Variants in TERT observed in about 807,000 individuals in gnomAD.
The protein encoded by TERT is telomerase reverse transcriptase.
TERT carries 42 observed loss-of-function variants against 104.0 expected under a neutral mutation model. The ratio of observed to expected loss-of-function variants is 0.40; its 90% CI spans 0.32 to 0.52. The LOEUF is 0.52. TERT is among the 20% of genes least tolerant of loss of function. The probability of loss-of-function intolerance (pLI) is 0.43; values close to 1 mark genes in which losing one functional copy is unlikely to be tolerated. For missense variants in TERT, 1,101 were observed against 1,610.3 expected (o/e 0.68, Z 5.41); for synonymous variants, 781 against 725.6 (o/e 1.08, Z -1.23).
intron 11 of TERT, chr5:1,264,175 C>G (rs34656059): frequency 1.7e-6 from 1 of 585,674 alleles, no homozygotes; most frequent in Admixed American, 2.9e-5. Context: ...TGCACCATTT[C>G]CTTTTACCAA....
In TERT at chr5:1,282,595, G is replaced by A. The variant is rs1750103128; in HGVS notation, c.1603C>T (p.Arg535Cys). Residue 535 changes from arginine to cysteine, a missense_variant, in exon 3 of 16, where the codon CGT becomes TGT. Coordinates refer to ENST00000310581, the MANE Select transcript of TERT (RefSeq NM_198253.3). Reference protein sequence around the residue: ...GVGCVPAAEHRLREEILAKFL... With the variant: ...GVGCVPAAEHCLREEILAKFL... ...TTGGCCAGGATCTCCTCACGCAGAC[G>A]GTGCTCTGCGGCCGGAACACAGCCA... The A allele has an allele frequency of 4.3e-6, 7 of 1,614,026 alleles. No homozygotes were observed. Among genetic ancestry groups the A allele is most frequent in the South Asian group, 1.1e-5 (1 of 91,080 alleles).
chr5:1,259,943 G>A (rs1445643167), intron 12 of TERT, among the ~76,000 whole-genome samples: 1 of 138,964 alleles, frequency 7.2e-6, no homozygotes, highest in East Asian at 2.2e-4. Flanking sequence ...GAGAGGGGGT[G>A]TGGACGCCCA....
rs1192976407 is a variant in TERT at position 1,256,927 on chromosome 5, A to T, written c.3033-1516T>A. Among the ~76,000 whole-genome samples the T allele has an allele frequency of 6.6e-6, 1 of 152,034 alleles. No homozygotes were observed. The highest frequency in any genetic ancestry group is 1.5e-5 in the Non-Finnish European group (1 of 67,996). On this transcript the variant is annotated intron_variant, in intron 13 of 15. Coordinates refer to ENST00000310581, the MANE Select transcript of TERT (RefSeq NM_198253.3). This position sits in a 1 kb window ranked among gnomAD's most constrained non-coding sequence, Gnocchi z 7.0. ...GGAAGGCCGAGCCCCAGCGGATTTGAATCAGACCCCGCCCCCAGCGCCACG... is the reference window on the plus strand; with the variant it reads ...GGAAGGCCGAGCCCCAGCGGATTTGTATCAGACCCCGCCCCCAGCGCCACG...
At chr5:1,279,148 C>T (rs1749826052) in intron 5 of TERT, 143 bp downstream of exon 5, 3 of 957,620 alleles carry the variant, frequency 3.1e-6, no homozygotes, top group Non-Finnish European at 4.6e-6. Context: ...CCCTAGGTGC[C>T]AGGTGTGTCC....
chr5:1,294,361 C>G lies in TERT; in HGVS notation c.525G>C (p.Leu175=). ...SCAYQVCGPP[L]YQLGAATQAR... is the part of the protein sequence containing the mutation. Reference sequence around the variant, plus strand: ...CCTGAGTGGCAGCGCCGAGCTGGTACAGCGGCGGCCCGCACACCTGGTAGG... The same window carrying G: ...CCTGAGTGGCAGCGCCGAGCTGGTAGAGCGGCGGCCCGCACACCTGGTAGG... Residue 175 remains leucine (L), a synonymous_variant, in exon 2 of 16, where the codon CTG becomes CTC. Transcript: ENST00000310581. The G allele has an allele frequency of 6.3e-7, 1 of 1,576,208 alleles. No individual in the cohort carries two copies. The highest frequency in any genetic ancestry group is 1.7e-4 in the Middle Eastern group (1 of 5,770).
chr5:1,255,508 G>T lies in TERT; in HGVS notation c.3033-97C>A. On this transcript the variant is annotated intron_variant, in intron 13 of 15. Coordinates refer to ENST00000310581, the MANE Select transcript of TERT (RefSeq NM_198253.3). This position sits in a 1 kb window ranked among gnomAD's most constrained non-coding sequence, Gnocchi z 6.9. ...CCCACCGGTGCCTGTGTGCGTGCAT[G>T]AATGCACATGCATGGGTTTCCTCAT... The T allele has an allele frequency of 1.3e-6, 2 of 1,491,104 alleles. No individual in the cohort carries two copies. Among genetic ancestry groups the T allele is most frequent in the Non-Finnish European group, 1.9e-6 (2 of 1,075,106 alleles). 92.4% of individuals were successfully genotyped at this position (1,491,104 alleles called of 1,614,324 possible). A position where few individuals can be genotyped will look rare whatever the true frequency, so the allele number is the denominator to read the frequency against.
rs555748602 is a variant in TERT at position 1,263,739 on chromosome 5, C to T, written c.2843+665G>A. Among the ~76,000 whole-genome samples the T allele has an allele frequency of 2.0e-5, 3 of 152,330 alleles. No individual in the cohort carries two copies. Among genetic ancestry groups the T allele is most frequent in the South Asian group, 2.1e-4 (1 of 4,834 alleles). On this transcript the variant is annotated intron_variant, in intron 11 of 15. Transcript: ENST00000310581. The surrounding 1 kb of genome is among the most constrained non-coding windows in gnomAD (Gnocchi z 5.3). Reference sequence around the variant, plus strand: ...TGATACTTTTTATTCATAAAAGAAACAGCACAGATTTCTGCATCTGTGTCC... The same window carrying T: ...TGATACTTTTTATTCATAAAAGAAATAGCACAGATTTCTGCATCTGTGTCC...
rs35082932 is a variant in TERT at position 1,257,100 on chromosome 5, G to A, written c.3032+1498C>T. On this transcript the variant is annotated intron_variant, in intron 13 of 15. Transcript: ENST00000310581. The surrounding 1 kb of genome is among the most constrained non-coding windows in gnomAD (Gnocchi z 5.6). ...GTTTGGAAACGGCCCGTGGCCCATC[G>A]CATCTCGGCCTCCTCAGGGCTACCC... is the stretch of plus-strand genomic sequence containing the variant. 5.9e-4 allele frequency among the ~76,000 whole-genome samples: 90 copies of A among 152,218 alleles called. No homozygotes were observed. The highest frequency in any genetic ancestry group is 2.0e-3 in the African/African-American group (83 of 41,546).
At chr5:1,273,843 C>G (rs1050318954) in intron 6 of TERT, among the ~76,000 whole-genome samples, 2 of 152,210 alleles carry the variant, frequency 1.3e-5, no homozygotes, top group South Asian at 2.1e-4. Context: ...CTGCCATCCA[C>G]AGTCACGTGG....
intron 5 of TERT, 93 bp downstream of exon 5, chr5:1,279,198 C>T: frequency 7.0e-7 from 1 of 1,426,658 alleles, no homozygotes; most frequent in East Asian, 2.5e-5. Flanking sequence ...TGCGGCCCAC[C>T]CAGGAGTACC....
rs1057035638 is a variant in TERT, at chr5:1,274,833, G to A, written c.2287-2553C>T. ...AAAGAAAGTTCAAACATCCATAATC[G>A]AAACTTTTCCTTCAAGGAGCCGGAA... On this transcript the variant is annotated intron_variant, in intron 6 of 15. Coordinates refer to ENST00000310581, the MANE Select transcript of TERT (RefSeq NM_198253.3). This position sits in a 1 kb window ranked among gnomAD's most constrained non-coding sequence, Gnocchi z 5.3. 5.9e-5 allele frequency among the ~76,000 whole-genome samples: 9 copies of A among 152,164 alleles called. No homozygotes were observed. The highest frequency in any genetic ancestry group is 4.1e-4 in the South Asian group (2 of 4,826).
chr5:1,272,325 C>G (rs749560791), intron 6 of TERT, 45 bp from the exon 7 acceptor site: 1 of 1,509,862 alleles, frequency 6.6e-7, no homozygotes, highest in Non-Finnish European at 9.1e-7. Flanking sequence ...TGGCCTGCCC[C>G]GGCCAGAGCT....
chr5:1,260,947 C>T (rs1436989481), intron 11 of TERT, among the ~76,000 whole-genome samples: 1 of 152,200 alleles, frequency 6.6e-6, no homozygotes, highest in South Asian at 2.1e-4. Context: ...GGGCGTCCCT[C>T]GAGTGAACAC....
chr5:1,273,987 T>C (rs879331206), intron 6 of TERT, among the ~76,000 whole-genome samples: 39 of 152,148 alleles, frequency 2.6e-4, no homozygotes, highest in Non-Finnish European at 4.9e-4. Flanking sequence ...CCACCTCCTA[T>C]TCTGCAGACT....
Position 1,255,167 on chromosome 5 carries a change from A to G in TERT, c.3157+120T>C. 7.2e-7 allele frequency: 1 copy of G among 1,380,876 alleles called. No homozygotes were observed. Among genetic ancestry groups the G allele is most frequent in the Non-Finnish European group, 1.0e-6 (1 of 1,000,402 alleles). 85.5% of individuals were successfully genotyped at this position (1,380,876 alleles called of 1,614,324 possible). On this transcript the variant is annotated intron_variant, in intron 14 of 15. Transcript: ENST00000310581. The surrounding 1 kb of genome is among the most constrained non-coding windows in gnomAD (Gnocchi z 6.9). Reference sequence around the variant, plus strand: ...GACGAGCCTGACAGTGGTTGGGTTAAACCACTTCCTGATGCGAAAAGGGGT... The same window carrying G: ...GACGAGCCTGACAGTGGTTGGGTTAGACCACTTCCTGATGCGAAAAGGGGT...
At position 1,255,501 on chromosome 5, in the gene TERT, C is replaced by A. The variant is rs1334912467; in HGVS notation, c.3033-90G>T. On this transcript the variant is annotated intron_variant, in intron 13 of 15. Transcript: ENST00000310581. This position sits in a 1 kb window ranked among gnomAD's most constrained non-coding sequence, Gnocchi z 6.9. Reference sequence around the variant, plus strand: ...GCATGGGCCCACCGGTGCCTGTGTGCGTGCATGAATGCACATGCATGGGTT... The same window carrying A: ...GCATGGGCCCACCGGTGCCTGTGTGAGTGCATGAATGCACATGCATGGGTT... 1.9e-6 allele frequency: 3 copies of A among 1,553,430 alleles called. No homozygotes were observed. The highest frequency in any genetic ancestry group is 2.7e-6 in the Non-Finnish European group (3 of 1,129,730).
At chr5:1,258,757 GA>G in intron 12 of TERT, 98 bp from the exon 13 acceptor site, 1 of 1,062,764 alleles carries the variant, frequency 9.4e-7, no homozygotes, top group Non-Finnish European at 1.4e-6. Flanking sequence ...GAACAAGAAA[GA>G]GGAACATTTT....
chr5:1,289,462 G>A (rs879464866), intron 2 of TERT, among the ~76,000 whole-genome samples: 21 of 24,898 alleles, frequency 8.4e-4, no homozygotes, highest in East Asian at 1.6e-3. Context: ...ACCCGGGGAC[G>A]GCGCCTCACT....
chr5:1,262,084 G>C lies in TERT; in HGVS notation c.2844-1484C>G, dbSNP rs1748271505. On this transcript the variant is annotated intron_variant, in intron 11 of 15. Transcript: ENST00000310581. This position sits in a 1 kb window ranked among gnomAD's most constrained non-coding sequence, Gnocchi z 5.6. ...TCACTGGTTTCATCCGCCTCCCTGTGTGTCCTTCCCCAACACCAAACCAGG... is the reference window on the plus strand; with the variant it reads ...TCACTGGTTTCATCCGCCTCCCTGTCTGTCCTTCCCCAACACCAAACCAGG... Among the ~76,000 whole-genome samples the C allele has an allele frequency of 6.6e-6, 1 of 152,158 alleles. No homozygotes were observed. Among genetic ancestry groups the C allele is most frequent in the Non-Finnish European group, 1.5e-5 (1 of 68,044 alleles).
Sources: allele counts gnomAD v4.1 joint callset (sites outside exome capture counted in the v4.1 genomes callset), GRCh38; gene constraint gnomAD v4.1.1; non-coding constraint Gnocchi (gnomAD v3.1); transcripts MANE v1.5; gene names NCBI Gene and HGNC (gene_info 2026-07-23, HGNC 2026-07-21).